NUP37: variants seen among roughly 807,000 people sequenced by gnomAD.
The protein encoded by NUP37 is nucleoporin 37, also known as nucleoporin Nup37.
A neutral mutation model predicts 45.4 loss-of-function variants in NUP37; 33 were observed. The ratio of observed to expected loss-of-function variants is 0.73; its 90% CI spans 0.55 to 0.97. NUP37 has a LOEUF of 0.97. NUP37 is among the 50% of genes least tolerant of loss of function. The pLI is 0.00. For synonymous variants in NUP37, 127 were observed against 130.7 expected, an observed-to-expected ratio of 0.97 and a Z score of 0.19; for missense variants, 365 against 389.7, an observed-to-expected ratio of 0.94 and a Z score of 0.53.
At chr12:102,115,826 CAA>C in intron 2 of NUP37, 1 of 982,154 alleles carries the variant, frequency 1.0e-6, no homozygotes, top group Non-Finnish European at 1.2e-6. Flanking sequence ...TCTCTCAAGA[CAA>C]GAGGCATGAA....
At chr12:102,082,797 T>A (rs1879365903) in intron 6 of NUP37, among the ~76,000 whole-genome samples, 1 of 152,138 alleles carries the variant, frequency 6.6e-6, no homozygotes, top group Admixed American at 6.5e-5. Context: ...CCAAAGACTT[T>A]AGAAACAAGC....
At chr12:102,076,735 C>T in intron 8 of NUP37, 62 bp downstream of exon 8, 1 of 1,358,590 alleles carries the variant, frequency 7.4e-7, no homozygotes, top group Non-Finnish European at 1.0e-6. Context: ...CAAAAGTATC[C>T]CAGTGGTGGC....
intron 2 of NUP37, among the ~76,000 whole-genome samples, chr12:102,114,482 T>C (rs1419084640): frequency 1.3e-5 from 2 of 152,198 alleles, no homozygotes; most frequent in Non-Finnish European, 2.9e-5. Context: ...AATGCTATTT[T>C]GGATTTAGTT....
rs1452097268 is a variant in NUP37, at chr12:102,077,383, T to TA, written c.660_661insT (p.Thr221TyrfsTer11). 2.5e-6 allele frequency: 4 copies of TA among 1,614,142 alleles called. No individual in the cohort carries two copies. Among genetic ancestry groups the TA allele is most frequent in the Admixed American group, 1.7e-5 (1 of 60,026 alleles). On this transcript the variant is annotated frameshift_variant, in exon 7 of 10. Coordinates refer to ENST00000552283, the MANE Select transcript of NUP37 (RefSeq NM_024057.4). LOFTEE classifies it high-confidence loss of function. ...CCTGCAACGGCTCCAACTTTGAAGG[T>TA]GTTTTTTAAGCACCAGTGTGCTGAC...
chr12:102,085,903 T>C (rs909383210), intron 5 of NUP37, 47 bp from the exon 6 acceptor site: 7 of 895,876 alleles, frequency 7.8e-6, no homozygotes, highest in African/African-American at 5.1e-5. Context: ...TGATATATCA[T>C]TACTAAAAAA....
intron 5 of NUP37, among the ~76,000 whole-genome samples, chr12:102,098,654 C>T (rs1428300895): frequency 6.6e-6 from 1 of 152,066 alleles, no homozygotes; most frequent in Non-Finnish European, 1.5e-5. Context: ...GCCTCAGTCC[C>T]CCGAGTAGCT....
intron 5 of NUP37, among the ~76,000 whole-genome samples, chr12:102,088,755 G>A (rs1332539833): frequency 9.3e-4 from 137 of 147,816 alleles, no homozygotes; most frequent in African/African-American, 2.8e-3. Context: ...GGTGTTTCTC[G>A]GAGAGGGGGA....
chr12:102,078,245 GA>G lies in NUP37; in HGVS notation c.541-743del, dbSNP rs1246877988. On this transcript the variant is annotated intron_variant, in intron 6 of 9. Transcript: ENST00000552283. ...TCGGGAGGCTGAGGCAGAACTGCTT[GA>G]ATCCGAGAGGCAGAGGTTGCAGTGA... 2.0e-5 allele frequency among the ~76,000 whole-genome samples: 3 copies of G among 151,864 alleles called. No individual in the cohort carries two copies. In the East Asian group the frequency reaches 5.8e-4, roughly 29 times the overall value.
At chr12:102,092,274 CT>C in intron 5 of NUP37, among the ~76,000 whole-genome samples, 1 of 152,182 alleles carries the variant, frequency 6.6e-6, no homozygotes, top group East Asian at 1.9e-4. Context: ...CCATTTGGCC[CT>C]AACTGGTAAA....
chr12:102,111,764 C>A (rs1198450277), intron 3 of NUP37, among the ~76,000 whole-genome samples: 1 of 151,082 alleles, frequency 6.6e-6, no homozygotes, highest in Non-Finnish European at 1.5e-5. Context: ...AAGGAAAGCT[C>A]ATTAATGTCT....
chr12:102,077,511 A>G lies in NUP37; in HGVS notation c.541-8T>C, dbSNP rs771030996. The G allele has an allele frequency of 1.9e-6, 3 of 1,603,312 alleles. No homozygotes were observed. The highest frequency in any genetic ancestry group is 2.6e-6 in the Non-Finnish European group (3 of 1,176,450). On this transcript the variant is annotated splice_polypyrimidine_tract_variant and splice_region_variant and intron_variant, in intron 6 of 9. Coordinates refer to ENST00000552283, the MANE Select transcript of NUP37 (RefSeq NM_024057.4). ...CTTCTCTGCAACCATTAGCTGTAAG[A>G]CAGAAAAATAAAAAGAAACTCAATC...
At chr12:102,114,918 C>A (rs1271646482) in intron 2 of NUP37, among the ~76,000 whole-genome samples, 1 of 152,190 alleles carries the variant, frequency 6.6e-6, no homozygotes, top group South Asian at 2.1e-4. Flanking sequence ...CATTATTCCA[C>A]GTTCCATCTC....
chr12:102,107,864 T>C (rs761099203), intron 3 of NUP37, among the ~76,000 whole-genome samples: 1 of 152,066 alleles, frequency 6.6e-6, no homozygotes, highest in African/African-American at 2.4e-5. Flanking sequence ...AGCAAGGAGA[T>C]GATTATCCTA....
In NUP37 at chr12:102,118,580, G is replaced by A. The variant is rs924714524; in HGVS notation, c.-62C>T. The A allele has an allele frequency of 2.1e-5, 31 of 1,471,594 alleles. No homozygotes were observed. The highest frequency in any genetic ancestry group is 1.8e-4 in the Middle Eastern group (1 of 5,598). The allele number at this position is 1,471,594 out of a possible 1,614,324, so 91.2% of individuals were successfully genotyped here. On this transcript the variant is annotated 5_prime_UTR_variant, in exon 2 of 10. Coordinates refer to ENST00000552283, the MANE Select transcript of NUP37 (RefSeq NM_024057.4). The stretch of plus-strand genomic sequence containing the variant: ...ATAGCCTTCTACTGGACAAGGTCAC[G>A]AAACTGTGGATTAGAGCACAGGTAC...
At position 102,074,051 on chromosome 12, in the gene NUP37, A is replaced by C. The variant is rs1380280956; in HGVS notation, c.*303T>G. 1 of 168,496 alleles carries C rather than the reference A, an allele frequency of 5.9e-6. No individual in the cohort carries two copies. Among genetic ancestry groups the C allele is most frequent in the Non-Finnish European group, 1.3e-5 (1 of 79,244 alleles). The allele number at this position is 168,496 out of a possible 1,614,324, so 10.4% of individuals were successfully genotyped here. ...AGTATAGAAAACAGGATACACTTCA[A>C]ATACTCCTTTTTTGATAAACTCAAA... On this transcript the variant is annotated 3_prime_UTR_variant, in exon 10 of 10. Transcript: ENST00000552283.
chr12:102,119,873 A>G lies in NUP37; in HGVS notation c.-66+177T>C, dbSNP rs182947340. 4.1e-4 allele frequency among the ~76,000 whole-genome samples: 62 copies of G among 152,296 alleles called. 1 individual carries two copies. The highest frequency in any genetic ancestry group is 3.9e-3 in the East Asian group (20 of 5,178). ...GGCAGAGAAGAAGGGAGGGAACAAG[A>G]TAAGTCTCTGCAATGAGCGCCGACA... is the stretch of plus-strand genomic sequence containing the variant. On this transcript the variant is annotated intron_variant, in intron 1 of 9. Transcript: ENST00000552283.
intron 2 of NUP37, 100 bp downstream of exon 2, chr12:102,118,263 T>G: frequency 8.5e-7 from 1 of 1,176,936 alleles, no homozygotes; most frequent in East Asian, 2.4e-5. Context: ...TTTTTTAACA[T>G]TCAAACTCAA....
chr12:102,082,781 A>T (rs1879365446), intron 6 of NUP37, among the ~76,000 whole-genome samples: 1 of 152,232 alleles, frequency 6.6e-6, no homozygotes, highest in African/African-American at 2.4e-5. Context: ...ATCAAAGAGT[A>T]AAGAGCCAAA....
At chr12:102,114,339 G>C (rs369970543) in intron 2 of NUP37, among the ~76,000 whole-genome samples, 1 of 149,820 alleles carries the variant, frequency 6.7e-6, no homozygotes, top group African/African-American at 2.5e-5. Flanking sequence ...GGGTGGTCAT[G>C]GGGATAAAGA....
Sources: gnomAD v4.1 joint callset for allele counts (sites outside exome capture counted in the v4.1 genomes callset) on GRCh38, gnomAD v4.1.1 for gene constraint, MANE v1.5 for transcripts, NCBI Gene and HGNC (gene_info 2026-07-23, HGNC 2026-07-21) for gene names.